Variants in COL25A1 observed in about 807,000 individuals in gnomAD.
COL25A1 encodes the protein collagen type XXV alpha 1 chain, also known as collagen alpha-1(XXV) chain.
COL25A1 carries 103 observed loss-of-function variants against 128.4 expected under a neutral mutation model. The ratio of observed to expected loss-of-function variants is 0.80; its 90% CI spans 0.68 to 0.94. The LOEUF (loss-of-function observed/expected upper bound fraction) is 0.94, where lower values mean the gene tolerates loss of function less well. Among genes scored for constraint, COL25A1 ranks in the 40% least tolerant of loss-of-function variants. COL25A1 has a pLI of 0.00. For synonymous variants in COL25A1, 279 were observed against 277.2 expected (o/e 1.01, Z -0.06); for missense variants, 745 against 840.0 (o/e 0.89, Z 1.40).
chr4:108,967,162 G>C (rs1213447545), intron 8 of COL25A1, among the ~76,000 whole-genome samples: 2 of 152,074 alleles, frequency 1.3e-5, no homozygotes, highest in Non-Finnish European at 2.9e-5. Context: ...CATTAAATGA[G>C]AATAATAAAA....
At chr4:108,935,919 G>A (rs1181797968) in intron 11 of COL25A1, among the ~76,000 whole-genome samples, 2 of 151,912 alleles carry the variant, frequency 1.3e-5, no homozygotes, top group South Asian at 2.1e-4. Context: ...TGGGTATCAG[G>A]GAAAAAAGCC....
In COL25A1 at chr4:109,088,379, C is replaced by A. The variant is rs544385698; in HGVS notation, c.368-38200G>T. On this transcript the variant is annotated intron_variant, in intron 3 of 37. Transcript: ENST00000399132. ...GAGGCTAAATCAGTGGTTCTGAGAT[C>A]TTTTGTTTTGTTTTCAAATAAGTAA... Among the ~76,000 whole-genome samples the A allele has an allele frequency of 1.4e-4, 22 of 152,202 alleles. No homozygotes were observed. In the South Asian group the frequency reaches 4.6e-3, roughly 32 times the overall value.
chr4:108,919,710 T>A (rs775662001), intron 12 of COL25A1, among the ~76,000 whole-genome samples: 1 of 152,106 alleles, frequency 6.6e-6, no homozygotes, highest in Non-Finnish European at 1.5e-5. Flanking sequence ...TTTACTGCTA[T>A]AGGATAGGTG....
At chr4:109,167,685 C>A (rs1300395912) in intron 3 of COL25A1, among the ~76,000 whole-genome samples, 2 of 152,090 alleles carry the variant, frequency 1.3e-5, no homozygotes, top group Non-Finnish European at 2.9e-5. Flanking sequence ...TGTACATTAG[C>A]TTGGGGCTGA....
intron 3 of COL25A1, among the ~76,000 whole-genome samples, chr4:109,126,904 T>A (rs1351110428): frequency 6.6e-6 from 1 of 151,166 alleles, no homozygotes; most frequent in African/African-American, 2.4e-5. Context: ...ACTTAAAGTA[T>A]AATAATAAAA....
At chr4:109,184,206 T>C (rs1245972992) in intron 3 of COL25A1, among the ~76,000 whole-genome samples, 1 of 152,186 alleles carries the variant, frequency 6.6e-6, no homozygotes, top group Admixed American at 6.6e-5. Flanking sequence ...TTAATTAACA[T>C]TCATATTTAC....
chr4:109,055,955 A>C (rs1329403318), intron 3 of COL25A1, among the ~76,000 whole-genome samples: 1 of 152,212 alleles, frequency 6.6e-6, no homozygotes, highest in Non-Finnish European at 1.5e-5. Context: ...GTTTGTTTTA[A>C]ATATCTTTTA....
chr4:109,278,348 T>C (rs549862528), intron 3 of COL25A1, among the ~76,000 whole-genome samples: 4 of 152,204 alleles, frequency 2.6e-5, no homozygotes, highest in Non-Finnish European at 5.9e-5. Context: ...TATGTTGAAA[T>C]GGTATCTTAC....
At chr4:109,240,533 AC>A (rs1779828452) in intron 3 of COL25A1, among the ~76,000 whole-genome samples, 1 of 152,084 alleles carries the variant, frequency 6.6e-6, no homozygotes, top group Non-Finnish European at 1.5e-5. Context: ...CATTACCAGG[AC>A]CACCAACTCA....
In COL25A1 at chr4:109,285,920, G is replaced by A. The variant is rs539622834; in HGVS notation, c.367+14663C>T. Among the ~76,000 whole-genome samples, 5 of 152,174 alleles carry A rather than the reference G, an allele frequency of 3.3e-5. No individual in the cohort carries two copies. In the East Asian group the frequency reaches 9.7e-4, roughly 29 times the overall value. The stretch of plus-strand genomic sequence containing the variant: ...GAGAGTGATTAAGCATTTATCAGCA[G>A]CATACCACATCAGTAATATCTTAGT... On this transcript the variant is annotated intron_variant, in intron 3 of 37. Transcript: ENST00000399132.
chr4:108,983,002 T>A (rs113935497), intron 6 of COL25A1, among the ~76,000 whole-genome samples: 33 of 151,998 alleles, frequency 2.2e-4, no homozygotes, highest in African/African-American at 7.3e-4. Context: ...CTCAATGGAG[T>A]TAAAGGCTTA....
At chr4:109,087,900 T>C (rs927411524) in intron 3 of COL25A1, among the ~76,000 whole-genome samples, 7 of 152,160 alleles carry the variant, frequency 4.6e-5, no homozygotes, top group Non-Finnish European at 1.0e-4. Context: ...TCATTCTATA[T>C]ACTATTCATA....
At chr4:109,120,789 C>G (rs1768035702) in intron 3 of COL25A1, among the ~76,000 whole-genome samples, 1 of 150,184 alleles carries the variant, frequency 6.7e-6, no homozygotes, top group Non-Finnish European at 1.5e-5. Context: ...GCATGGGCAA[C>G]AGAGTGAGAC....
At chr4:108,853,977 A>G (rs1736152669) in intron 24 of COL25A1, 1 of 152,142 alleles carries the variant, frequency 6.6e-6, no homozygotes, top group Admixed American at 6.6e-5. Flanking sequence ...CAATAAACAC[A>G]CATGTGCATG....
At position 108,813,814 on chromosome 4, in the gene COL25A1, C is replaced by T. The variant is rs1730999781; in HGVS notation, c.*113G>A. 3.7e-6 allele frequency: 3 copies of T among 800,030 alleles called. No individual in the cohort carries two copies. The East Asian group carries it at 7.5e-5, about 20-fold the overall frequency. The allele number at this position is 800,030 out of a possible 1,614,324, so 49.6% of individuals were successfully genotyped here. A position where few individuals can be genotyped will look rare whatever the true frequency, so the allele number is the denominator to read the frequency against. ...GTATACTACTGCCAGCAGGAAGAAG[C>T]AGCCCTATGTAAACATATCTCAGAC... On this transcript the variant is annotated 3_prime_UTR_variant, in exon 38 of 38. Transcript: ENST00000399132.
At chr4:109,288,980 C>T (rs1232148457) in intron 3 of COL25A1, among the ~76,000 whole-genome samples, 28 of 151,432 alleles carry the variant, frequency 1.8e-4, no homozygotes, top group African/African-American at 6.1e-4. Flanking sequence ...CACACACACA[C>T]ACACACACAC....
intron 3 of COL25A1, among the ~76,000 whole-genome samples, chr4:109,172,239 T>A (rs1773656255): frequency 6.6e-6 from 1 of 152,082 alleles, no homozygotes; most frequent in African/African-American, 2.4e-5. Context: ...CAAAAATAAA[T>A]AATGCAGTTA....
chr4:109,183,223 C>T (rs1383960582), intron 3 of COL25A1, among the ~76,000 whole-genome samples: 2 of 152,044 alleles, frequency 1.3e-5, no homozygotes, highest in African/African-American at 4.8e-5. Context: ...GCATCTCCAC[C>T]AGCATCCTGA....
At chr4:109,171,777 G>A (rs1011797309) in intron 3 of COL25A1, among the ~76,000 whole-genome samples, 1 of 152,158 alleles carries the variant, frequency 6.6e-6, no homozygotes, top group Non-Finnish European at 1.5e-5. Context: ...TGAAATGCAT[G>A]CAAATAAGAT....
Sources: gnomAD v4.1 joint callset for allele counts (sites outside exome capture counted in the v4.1 genomes callset) on GRCh38, gnomAD v4.1.1 for gene constraint, MANE v1.5 for transcripts, NCBI Gene and HGNC (gene_info 2026-07-23, HGNC 2026-07-21) for gene names.